SCMH1: variants seen among roughly 807,000 people sequenced by gnomAD.
SCMH1 encodes Scm polycomb group protein homolog 1.
Under a neutral mutation model 70.8 loss-of-function variants are expected in SCMH1, and 37 were observed. That is an observed-to-expected ratio of 0.52 (90% confidence interval 0.40 to 0.69). SCMH1 has a LOEUF of 0.69. Among genes scored for constraint, SCMH1 ranks in the 30% least tolerant of loss-of-function variants. The pLI, the probability that SCMH1 is intolerant of heterozygous loss-of-function variation, is 0.00. For missense variants in SCMH1, 607 were observed against 827.3 expected (o/e 0.73, Z 3.27); for synonymous variants, 292 against 307.4 (o/e 0.95, Z 0.52).
chr1:41,079,027 T>TG (rs1416410919), intron 8 of SCMH1, among the ~76,000 whole-genome samples: 1 of 152,208 alleles, frequency 6.6e-6, no homozygotes, highest in East Asian at 1.9e-4. Flanking sequence ...TTGCATTATT[T>TG]GGGAGTAGTT....
At chr1:41,116,553 TAA>T (rs1214903932) in intron 7 of SCMH1, among the ~76,000 whole-genome samples, 1 of 152,128 alleles carries the variant, frequency 6.6e-6, no homozygotes, top group Non-Finnish European at 1.5e-5. Flanking sequence ...TCGTAGGCAA[TAA>T]AAAAAGTCTC....
intron 14 of SCMH1, 38 bp from the exon 16 acceptor site, chr1:41,028,357 C>A: frequency 4.3e-6 from 7 of 1,610,130 alleles, no homozygotes; most frequent in Non-Finnish European, 5.9e-6. Flanking sequence ...GGAAGGGAGG[C>A]ACCATCAGAG....
At chr1:41,182,634 C>T (rs1000596642) in intron 2 of SCMH1, among the ~76,000 whole-genome samples, 4 of 151,924 alleles carry the variant, frequency 2.6e-5, no homozygotes, top group African/African-American at 9.7e-5. Flanking sequence ...TTGCTTGAGC[C>T]CAGGAAGTCC....
chr1:41,062,813 G>A (rs1157992591), intron 10 of SCMH1, among the ~76,000 whole-genome samples: 1 of 151,104 alleles, frequency 6.6e-6, no homozygotes, highest in Non-Finnish European at 1.5e-5. Flanking sequence ...CAGCTGCTTG[G>A]GAAGCTGAGG....
Position 41,113,136 on chromosome 1 carries a change from G to T in SCMH1, c.745+147C>A. 1 of 932,102 alleles carries T rather than the reference G, an allele frequency of 1.1e-6. No homozygotes were observed. The highest frequency in any genetic ancestry group is 1.6e-6 in the Non-Finnish European group (1 of 624,338). The allele number at this position is 932,102 out of a possible 1,614,324, so 57.7% of individuals were successfully genotyped here. ...AACTGTTTCTAATTGCTCCCTGGTA[G>T]ACCTGGGTTTTTACCTAAGCTGCTG... On this transcript the variant is annotated intron_variant, in intron 8 of 14. Coordinates refer to ENST00000337495, the Ensembl canonical transcript of SCMH1. The surrounding 1 kb of genome is among the most constrained non-coding windows in gnomAD (Gnocchi z 4.3).
intron 10 of SCMH1, among the ~76,000 whole-genome samples, chr1:41,062,637 G>T (rs894442321): frequency 3.3e-5 from 5 of 151,936 alleles, no homozygotes; most frequent in Non-Finnish European, 7.4e-5. Flanking sequence ...TACTCAGGAG[G>T]CTGAGGAAGG....
At chr1:41,228,719 C>A (rs1660742028) in intron 1 of SCMH1, among the ~76,000 whole-genome samples, 1 of 151,426 alleles carries the variant, frequency 6.6e-6, no homozygotes, top group African/African-American at 2.4e-5. Context: ...TGCACTCAAC[C>A]TGGGTGACAG....
intron 6 of SCMH1, among the ~76,000 whole-genome samples, chr1:41,135,764 T>C (rs993097239): frequency 2.6e-5 from 4 of 152,168 alleles, no homozygotes; most frequent in Admixed American, 6.5e-5. Context: ...GTGAGGATCA[T>C]GCTGAATAGA....
intron 7 of SCMH1, among the ~76,000 whole-genome samples, chr1:41,114,227 C>T (rs751276592): frequency 1.3e-5 from 2 of 152,090 alleles, no homozygotes; most frequent in Non-Finnish European, 2.9e-5. Flanking sequence ...TCTGCTTTAT[C>T]AAATATTTTT....
chr1:41,221,790 G>T (rs965474673), intron 1 of SCMH1, among the ~76,000 whole-genome samples: 1 of 150,666 alleles, frequency 6.6e-6, no homozygotes, highest in Non-Finnish European at 1.5e-5. Flanking sequence ...TATTCAGGAG[G>T]CTGAGGCAGA....
chr1:41,162,946 CG>C (rs1646156931), intron 2 of SCMH1: 1 of 152,306 alleles, frequency 6.6e-6, no homozygotes, highest in Non-Finnish European at 1.5e-5. Flanking sequence ...GACAAGAACT[CG>C]GGATCTGCTG....
chr1:41,220,478 A>AT (rs113799937), intron 1 of SCMH1, among the ~76,000 whole-genome samples: 12 of 152,346 alleles, frequency 7.9e-5, no homozygotes, highest in Admixed American at 2.0e-4. Context: ...CATGATGGTG[A>AT]TTTTTTAATG....
intron 8 of SCMH1, among the ~76,000 whole-genome samples, chr1:41,081,059 T>C (rs1036204859): frequency 1.3e-5 from 2 of 152,160 alleles, no homozygotes; most frequent in African/African-American, 4.8e-5. Context: ...TTTGGAAAGG[T>C]CACTAGATAC....
intron 10 of SCMH1, among the ~76,000 whole-genome samples, chr1:41,052,731 G>A (rs886934875): frequency 2.0e-5 from 3 of 152,102 alleles, no homozygotes; most frequent in Admixed American, 6.5e-5. Context: ...AGTACATATA[G>A]TATGATTCAT....
At chr1:41,124,676 T>C (rs549994168) in intron 6 of SCMH1, among the ~76,000 whole-genome samples, 4 of 152,188 alleles carry the variant, frequency 2.6e-5, no homozygotes, top group African/African-American at 9.6e-5. Context: ...GGTGCAATCA[T>C]GGCTCACAGC....
At chr1:41,165,137 T>C (rs887517050) in intron 2 of SCMH1, among the ~76,000 whole-genome samples, 5 of 152,178 alleles carry the variant, frequency 3.3e-5, no homozygotes. Flanking sequence ...TGTGAGATTA[T>C]ATGATATTTG....
chr1:41,128,773 TC>T (rs1572408506), intron 6 of SCMH1, among the ~76,000 whole-genome samples: 1 of 152,258 alleles, frequency 6.6e-6, no homozygotes, highest in Middle Eastern at 3.4e-3. Flanking sequence ...CCTTCAGGAC[TC>T]CAGTTATATA....
In SCMH1 at chr1:41,113,313, C is replaced by T; in HGVS notation, c.715G>A (p.Gly239Arg). 6.2e-7 allele frequency: 1 copy of T among 1,613,672 alleles called. No individual in the cohort carries two copies. Among genetic ancestry groups the T allele is most frequent in the East Asian group, 2.2e-5 (1 of 44,866 alleles). The stretch of plus-strand genomic sequence containing the variant: ...GTGCCAGGAGGCTGCAGGTTGTCTC[C>T]AGTCAAGGAACACCAGCCCACAGGG... The change falls in exon 8 of 15, where the codon GGA becomes AGA. Residue 239 changes from glycine (G) to arginine (R), a missense_variant. Physicochemically the swap from Gly to Arg is moderately radical, Grantham distance 125 (BLOSUM62 -2). Around this residue, in one of 3 missense-constraint regions of SCMH1, gnomAD observed 430 missense variants for 528.2 expected, o/e 0.81. Coordinates refer to ENST00000337495, the Ensembl canonical transcript of SCMH1. This position sits in a 1 kb window ranked among gnomAD's most constrained non-coding sequence, Gnocchi z 4.3.
intron 1 of SCMH1, among the ~76,000 whole-genome samples, chr1:41,220,822 A>G (rs1474858570): frequency 2.6e-5 from 4 of 152,254 alleles, no homozygotes; most frequent in African/African-American, 4.8e-5. Context: ...GAAGAAAACC[A>G]TGAAGCATAC....
Sources: gnomAD v4.1 joint callset for allele counts (sites outside exome capture counted in the v4.1 genomes callset) on GRCh38, gnomAD v4.1.1 for gene constraint, gnomAD v4.1.1 regional missense constraint, Gnocchi (gnomAD v3.1) non-coding constraint, MANE v1.5 for transcripts, NCBI Gene and HGNC (gene_info 2026-07-23, HGNC 2026-07-21) for gene names.